The following RABGAP1L variants were observed in gnomAD, a reference collection of about 807,000 sequenced individuals.
RABGAP1L encodes the protein RAB GTPase activating protein 1 like.
Under a neutral mutation model 137.7 loss-of-function variants are expected in RABGAP1L, and 63 were observed. That is an observed-to-expected ratio of 0.46 (90% confidence interval 0.37 to 0.56). The LOEUF (loss-of-function observed/expected upper bound fraction) is 0.56, where lower values mean the gene tolerates loss of function less well. RABGAP1L is among the 20% of genes least tolerant of loss of function. The pLI is 0.00. For missense variants in RABGAP1L, 1,095 were observed against 1,244.0 expected (o/e 0.88, Z 1.80); for synonymous variants, 431 against 433.7 (o/e 0.99, Z 0.08).
At chr1:174,598,129 G>A (rs528901954) in intron 13 of RABGAP1L, among the ~76,000 whole-genome samples, 60 of 152,170 alleles carry the variant, frequency 3.9e-4, no homozygotes, top group African/African-American at 1.4e-3. Flanking sequence ...AGGAGATCAA[G>A]GCTATCCTGG....
At chr1:174,459,020 T>C (rs571325862) in intron 13 of RABGAP1L, among the ~76,000 whole-genome samples, 22 of 152,296 alleles carry the variant, frequency 1.4e-4, no homozygotes, top group East Asian at 7.7e-4. Context: ...ACATTATTAA[T>C]AGGCTCTTGG....
At chr1:174,395,544 C>T (rs1322820521) in intron 13 of RABGAP1L, among the ~76,000 whole-genome samples, 1 of 152,014 alleles carries the variant, frequency 6.6e-6, no homozygotes, top group Non-Finnish European at 1.5e-5. Context: ...AAATAACATG[C>T]ATCACTATAA....
At chr1:174,696,883 T>G (rs566697681) in intron 15 of RABGAP1L, among the ~76,000 whole-genome samples, 2 of 152,358 alleles carry the variant, frequency 1.3e-5, no homozygotes, top group Non-Finnish European at 2.9e-5. Context: ...CTTGCGTGGA[T>G]AGTTGTTCAA....
intron 13 of RABGAP1L, among the ~76,000 whole-genome samples, chr1:174,525,087 G>C (rs1463681574): frequency 6.6e-6 from 1 of 152,012 alleles, no homozygotes; most frequent in Non-Finnish European, 1.5e-5. Flanking sequence ...GCTACCTCCA[G>C]CTTTGTTCTT....
At chr1:174,417,021 T>G (rs1204705846) in intron 13 of RABGAP1L, among the ~76,000 whole-genome samples, 1 of 152,148 alleles carries the variant, frequency 6.6e-6, no homozygotes, top group Non-Finnish European at 1.5e-5. Context: ...ATCACAAGTT[T>G]ATTAGTTTCT....
At chr1:174,430,420 G>C (rs72713578) in intron 13 of RABGAP1L, among the ~76,000 whole-genome samples, 7,465 of 151,672 alleles carry the variant, frequency 0.049, 268 homozygotes, top group Non-Finnish European at 0.072. Context: ...TCATGATTTT[G>C]TTTTTTCTGT....
chr1:174,648,333 T>C (rs1388524284), intron 14 of RABGAP1L, among the ~76,000 whole-genome samples: 2 of 152,164 alleles, frequency 1.3e-5, no homozygotes, highest in Non-Finnish European at 2.9e-5. Flanking sequence ...TTTTCTGATG[T>C]GGGGGTTTAG....
intron 13 of RABGAP1L, among the ~76,000 whole-genome samples, chr1:174,551,310 C>A (rs187570759): frequency 2.0e-5 from 3 of 151,900 alleles, no homozygotes; most frequent in East Asian, 3.9e-4. Flanking sequence ...ATTAAACAAG[C>A]CTCAACATAT....
chr1:174,635,592 A>G (rs1673944222), intron 13 of RABGAP1L, among the ~76,000 whole-genome samples: 3 of 152,282 alleles, frequency 2.0e-5, no homozygotes, highest in East Asian at 3.9e-4. Context: ...ACCTTGGCAA[A>G]TATAAATTTT....
intron 12 of RABGAP1L, among the ~76,000 whole-genome samples, chr1:174,371,772 C>G (rs1685130669): frequency 6.6e-6 from 1 of 151,988 alleles, no homozygotes; most frequent in South Asian, 2.1e-4. Flanking sequence ...TGCGGGTAGT[C>G]CAGGGGAGAC....
At chr1:174,275,630 A>G (rs767801375) in intron 8 of RABGAP1L, among the ~76,000 whole-genome samples, 9 of 152,208 alleles carry the variant, frequency 5.9e-5, no homozygotes, top group Non-Finnish European at 8.8e-5. Flanking sequence ...TTAAATAGAA[A>G]CTGTGCTTGA....
intron 17 of RABGAP1L, among the ~76,000 whole-genome samples, chr1:174,745,462 C>G (rs1683797642): frequency 6.6e-6 from 1 of 152,132 alleles, no homozygotes; most frequent in South Asian, 2.1e-4. Flanking sequence ...ACTCTTTAAT[C>G]CATCACAGAT....
At chr1:174,652,491 G>A (rs1006494321) in intron 14 of RABGAP1L, among the ~76,000 whole-genome samples, 1 of 152,156 alleles carries the variant, frequency 6.6e-6, no homozygotes, top group Non-Finnish European at 1.5e-5. Flanking sequence ...TTTTTGCGTG[G>A]ATGTCCTTTT....
At chr1:174,968,829 T>C (rs1170411619) in intron 20 of RABGAP1L, among the ~76,000 whole-genome samples, 1 of 152,176 alleles carries the variant, frequency 6.6e-6, no homozygotes, top group African/African-American at 2.4e-5. Context: ...AACCCTGTCT[T>C]AGAAAAACAA....
intron 5 of RABGAP1L, chr1:174,245,557 C>T (rs536182442): frequency 6.6e-6 from 1 of 152,046 alleles, no homozygotes; most frequent in Non-Finnish European, 1.5e-5. Context: ...TGTATTTGAG[C>T]TAGCTGTTTT....
rs150895194 is a variant in RABGAP1L at position 174,401,244 on chromosome 1, C to T, written c.1710+7099C>T. On this transcript the variant is annotated intron_variant, in intron 13 of 25. Coordinates refer to ENST00000681986, the MANE Select transcript of RABGAP1L (RefSeq NM_001366446.1). ...AGACCCTGGGTTCGAATCTCAAATT[C>T]TGCTACTTACTGGTTGGTGACCTTG... Among the ~76,000 whole-genome samples, 222 of 152,262 alleles carry T rather than the reference C, an allele frequency of 1.5e-3. 1 individual carries two copies. The highest frequency in any genetic ancestry group is 5.1e-3 in the African/African-American group (213 of 41,578).
chr1:174,165,376 C>G (rs981554683), intron 1 of RABGAP1L, among the ~76,000 whole-genome samples: 18 of 152,216 alleles, frequency 1.2e-4, no homozygotes, highest in Non-Finnish European at 2.5e-4. Flanking sequence ...TTTTGAACTT[C>G]TGACCTCAGG....
intron 18 of RABGAP1L, among the ~76,000 whole-genome samples, chr1:174,773,533 G>A (rs1196216183): frequency 1.3e-5 from 2 of 152,100 alleles, no homozygotes; most frequent in Non-Finnish European, 2.9e-5. Context: ...AATTCAAGTT[G>A]TTTGAATTAA....
chr1:174,683,296 T>G (rs1678222050), intron 14 of RABGAP1L, among the ~76,000 whole-genome samples: 1 of 151,988 alleles, frequency 6.6e-6, no homozygotes, highest in Non-Finnish European at 1.5e-5. Context: ...TATTTCAAAA[T>G]TTTAAAGATG....
Sources: gnomAD v4.1 joint callset for allele counts (sites outside exome capture counted in the v4.1 genomes callset) on GRCh38, gnomAD v4.1.1 for gene constraint, MANE v1.5 for transcripts, NCBI Gene and HGNC (gene_info 2026-07-23, HGNC 2026-07-21) for gene names.